The following GALNTL6 variants were observed in gnomAD, a reference collection of about 807,000 sequenced individuals.
The protein encoded by GALNTL6 is polypeptide N-acetylgalactosaminyltransferase-like 6.
In GALNTL6, 46 loss-of-function variants were observed where a neutral mutation model predicts 73.7. That is an observed-to-expected ratio of 0.62 (90% CI 0.49 to 0.80). The LOEUF (loss-of-function observed/expected upper bound fraction) is 0.80, where lower values mean the gene tolerates loss of function less well. GALNTL6 is among the 30% of genes least tolerant of loss of function. The pLI is 0.00. For missense variants in GALNTL6, 604 were observed against 755.0 expected (o/e 0.80, Z 2.34); for synonymous variants, 259 against 263.7 (o/e 0.98, Z 0.17).
intron 2 of GALNTL6, among the ~76,000 whole-genome samples, chr4:172,016,160 C>T (rs941343045): frequency 1.3e-5 from 2 of 151,770 alleles, no homozygotes; most frequent in African/African-American, 4.8e-5. Context: ...AATATGTTTT[C>T]CAAACATTTA....
At chr4:172,616,465 A>T (rs572674908) in intron 5 of GALNTL6, among the ~76,000 whole-genome samples, 118 of 149,438 alleles carry the variant, frequency 7.9e-4, no homozygotes, top group African/African-American at 2.7e-3. Flanking sequence ...GAGAAAAATA[A>T]TTTTTTTAAA....
At chr4:172,696,891 T>C (rs952677360) in intron 5 of GALNTL6, among the ~76,000 whole-genome samples, 1 of 152,240 alleles carries the variant, frequency 6.6e-6, no homozygotes, top group African/African-American at 2.4e-5. Context: ...TTATCAATAA[T>C]TATTCTCATA....
chr4:171,998,811 T>A (rs1220536940), intron 2 of GALNTL6, among the ~76,000 whole-genome samples: 2 of 152,028 alleles, frequency 1.3e-5, no homozygotes, highest in Non-Finnish European at 2.9e-5. Context: ...ATGTACAGAT[T>A]TCGCAAAACT....
intron 10 of GALNTL6, among the ~76,000 whole-genome samples, chr4:172,969,110 A>G (rs1723232268): frequency 6.6e-6 from 1 of 152,180 alleles, no homozygotes; most frequent in South Asian, 2.1e-4. Flanking sequence ...CAGAAATAAG[A>G]TGACTAGAAT....
At chr4:172,650,797 A>T (rs2111149932) in intron 5 of GALNTL6, among the ~76,000 whole-genome samples, 1 of 152,322 alleles carries the variant, frequency 6.6e-6, no homozygotes, top group South Asian at 2.1e-4. Context: ...CTGATCATCA[A>T]AATGTAAAAT....
At position 172,069,575 on chromosome 4, in the gene GALNTL6, G is replaced by A. The variant is rs1172184954; in HGVS notation, c.139-160081G>A. Among the ~76,000 whole-genome samples, 2 of 13,634 alleles carry A rather than the reference G, an allele frequency of 1.5e-4. 1 individual carries two copies. Among genetic ancestry groups the A allele is most frequent in the Admixed American group, 2.2e-3 (2 of 892 alleles). The allele number at this position is 13,634 out of a possible 152,430, so 8.9% of individuals were successfully genotyped here. A position where few individuals can be genotyped will look rare whatever the true frequency, so the allele number is the denominator to read the frequency against. ...TATATGTTATATATAACACATATATGTTATATATTATATATATAACACATA... is the reference window on the plus strand; with the variant it reads ...TATATGTTATATATAACACATATATATTATATATTATATATATAACACATA... On this transcript the variant is annotated intron_variant, in intron 2 of 12. Transcript: ENST00000506823.
chr4:172,805,881 G>C (rs1740927200), intron 5 of GALNTL6, among the ~76,000 whole-genome samples: 2 of 152,026 alleles, frequency 1.3e-5, no homozygotes, highest in Non-Finnish European at 2.9e-5. Context: ...AACTGACCAT[G>C]GGTTAATGGC....
intron 5 of GALNTL6, among the ~76,000 whole-genome samples, chr4:172,731,080 C>CA (rs71592094): frequency 1.5e-3 from 170 of 113,050 alleles, no homozygotes; most frequent in Middle Eastern, 9.2e-3. Flanking sequence ...ACTCCATCTC[C>CA]AAAAAAAAAA....
intron 4 of GALNTL6, among the ~76,000 whole-genome samples, chr4:172,319,600 T>TAA (rs1351492979): frequency 4.6e-5 from 7 of 152,332 alleles, no homozygotes; most frequent in Admixed American, 2.0e-4. Flanking sequence ...AAACATACTT[T>TAA]ATCAAGATTA....
chr4:172,345,912 A>G (rs1741724128), intron 4 of GALNTL6, among the ~76,000 whole-genome samples: 7 of 152,218 alleles, frequency 4.6e-5, no homozygotes, highest in Admixed American at 4.6e-4. Flanking sequence ...AACATACCTC[A>G]GGGTTATCCC....
chr4:171,883,619 A>C (rs1199527196), intron 2 of GALNTL6, among the ~76,000 whole-genome samples: 2 of 151,612 alleles, frequency 1.3e-5, no homozygotes, highest in Non-Finnish European at 2.9e-5. Flanking sequence ...GAGGATCTAA[A>C]TTATACATGT....
intron 2 of GALNTL6, among the ~76,000 whole-genome samples, chr4:171,856,356 C>T (rs1025476393): frequency 1.7e-4 from 26 of 151,866 alleles, no homozygotes; most frequent in African/African-American, 6.0e-4. Context: ...CTCAGGGCAT[C>T]CACCCACCTT....
intron 3 of GALNTL6, among the ~76,000 whole-genome samples, chr4:172,245,274 C>T (rs115315461): frequency 0.01 from 1,538 of 152,176 alleles, 26 homozygotes; most frequent in African/African-American, 0.035. Flanking sequence ...TAATACCTAC[C>T]GTACCTAATG....
intron 5 of GALNTL6, among the ~76,000 whole-genome samples, chr4:172,721,469 A>G (rs763740571): frequency 1.3e-5 from 2 of 152,234 alleles, no homozygotes; most frequent in Non-Finnish European, 2.9e-5. Flanking sequence ...AAATATTAAT[A>G]TAGAAAGGAA....
intron 5 of GALNTL6, among the ~76,000 whole-genome samples, chr4:172,372,393 T>C (rs560813579): frequency 6.6e-6 from 1 of 152,302 alleles, no homozygotes; most frequent in East Asian, 1.9e-4. Context: ...ATAAACTTCC[T>C]TTGGCACCTA....
At chr4:172,081,145 A>G (rs1731867646) in intron 2 of GALNTL6, among the ~76,000 whole-genome samples, 1 of 152,226 alleles carries the variant, frequency 6.6e-6, no homozygotes, top group South Asian at 2.1e-4. Flanking sequence ...AGATATATAG[A>G]CATCAAAGGC....
At chr4:172,959,831 T>C (rs1231418503) in intron 10 of GALNTL6, among the ~76,000 whole-genome samples, 1 of 152,164 alleles carries the variant, frequency 6.6e-6, no homozygotes, top group Non-Finnish European at 1.5e-5. Context: ...CCAGCACTTG[T>C]AGCAAGCTCC....
chr4:172,706,126 A>G (rs976134409), intron 5 of GALNTL6, among the ~76,000 whole-genome samples: 2 of 151,994 alleles, frequency 1.3e-5, no homozygotes, highest in African/African-American at 4.8e-5. Context: ...TTTTTAGGCT[A>G]TCCTCTAGAT....
chr4:172,791,710 G>C (rs1470884783), intron 5 of GALNTL6, among the ~76,000 whole-genome samples: 1 of 152,076 alleles, frequency 6.6e-6, no homozygotes, highest in Non-Finnish European at 1.5e-5. Context: ...TTAGAGCAAA[G>C]CAGCTCTGCT....
Sources: allele counts gnomAD v4.1 joint callset (sites outside exome capture counted in the v4.1 genomes callset), GRCh38; gene constraint gnomAD v4.1.1; transcripts MANE v1.5; gene names NCBI Gene and HGNC (gene_info 2026-07-23, HGNC 2026-07-21).